The following PTPRS variants were observed in gnomAD, a reference collection of about 807,000 sequenced individuals.
PTPRS encodes protein tyrosine phosphatase receptor type S, also known as receptor-type tyrosine-protein phosphatase S.
Under a neutral mutation model 215.3 loss-of-function variants are expected in PTPRS, and 63 were observed. That is an observed-to-expected ratio of 0.29 (90% CI 0.24 to 0.36). The LOEUF (loss-of-function observed/expected upper bound fraction) is 0.36, where lower values mean the gene tolerates loss of function less well. Ranked by LOEUF, PTPRS falls within the 10% of genes least tolerant of loss-of-function variation. PTPRS has a pLI of 1.00. For synonymous variants in PTPRS, 1,404 were observed against 1,191.4 expected (o/e 1.18, Z -3.68); for missense variants, 2,258 against 2,825.8 (o/e 0.80, Z 4.56).
intron 14 of PTPRS, 140 bp from the exon 15 acceptor site, chr19:5,229,824 C>A: frequency 2.0e-6 from 1 of 503,544 alleles, no homozygotes; most frequent in Non-Finnish European, 3.0e-6. Context: ...CGCTCACCAC[C>A]GGGCGGGAGG....
intron 6 of PTPRS, among the ~76,000 whole-genome samples, chr19:5,261,618 G>A (rs548336721): frequency 6.6e-6 from 1 of 152,238 alleles, no homozygotes; most frequent in African/African-American, 2.4e-5. Flanking sequence ...CCAAGACCTC[G>A]ATCTGCCAGG....
rs1403774622 is a variant in PTPRS at position 5,339,803 on chromosome 19, G to C, written c.-95+861C>G. Among the ~76,000 whole-genome samples, 3 of 151,700 alleles carry C rather than the reference G, an allele frequency of 2.0e-5. No homozygotes were observed. In the East Asian group the frequency reaches 5.9e-4, roughly 30 times the overall value. On this transcript the variant is annotated intron_variant, in intron 1 of 37. Transcript: ENST00000262963. This position sits in a 1 kb window ranked among gnomAD's most constrained non-coding sequence, Gnocchi z 4.2. The stretch of plus-strand genomic sequence containing the variant: ...GGCTCCCGGGGCGTGCGGAACCCGC[G>C]GGGCTGGCGGTTCCAGGGGCGGCTT...
intron 8 of PTPRS, among the ~76,000 whole-genome samples, chr19:5,256,452 G>A (rs2045561420): frequency 6.6e-6 from 1 of 152,006 alleles, no homozygotes; most frequent in Non-Finnish European, 1.5e-5. Context: ...TCCCCAAGAG[G>A]ATGGAGGCTC....
chr19:5,307,873 C>G (rs760879977), intron 1 of PTPRS, among the ~76,000 whole-genome samples: 1 of 152,208 alleles, frequency 6.6e-6, no homozygotes, highest in Non-Finnish European at 1.5e-5. Context: ...TTTATTGGCA[C>G]ATAGCCACGC....
intron 1 of PTPRS, among the ~76,000 whole-genome samples, chr19:5,330,810 C>A (rs2050298688): frequency 1.3e-5 from 2 of 152,116 alleles, no homozygotes; most frequent in Non-Finnish European, 2.9e-5. Flanking sequence ...CAGATGGGGC[C>A]AAGAGAAAAA....
chr19:5,233,303 T>C (rs182759528), intron 13 of PTPRS, among the ~76,000 whole-genome samples: 6 of 151,904 alleles, frequency 3.9e-5, no homozygotes, highest in African/African-American at 1.4e-4. Flanking sequence ...ATCTATTTAT[T>C]GAACACCTAC....
At chr19:5,235,984 T>C (rs969766704) in intron 13 of PTPRS, among the ~76,000 whole-genome samples, 1 of 152,212 alleles carries the variant, frequency 6.6e-6, no homozygotes, top group Non-Finnish European at 1.5e-5. Flanking sequence ...CAGCCCATGT[T>C]TCATGTATTA....
At chr19:5,278,458 G>A (rs559328078) in intron 2 of PTPRS, among the ~76,000 whole-genome samples, 18 of 151,440 alleles carry the variant, frequency 1.2e-4, no homozygotes, top group African/African-American at 3.6e-4. Context: ...CTCTCACCTC[G>A]AGATGCTTTT....
intron 1 of PTPRS, among the ~76,000 whole-genome samples, chr19:5,297,216 C>T (rs547988125): frequency 1.3e-5 from 2 of 152,200 alleles, no homozygotes; most frequent in African/African-American, 4.8e-5. Flanking sequence ...GGCTGGATCA[C>T]GTCAGCTCCC....
At position 5,231,606 on chromosome 19, in the gene PTPRS, G is replaced by T. The variant is rs752226232; in HGVS notation, c.1859C>A (p.Ala620Asp). The change falls in exon 14 of 38, where the codon GCC becomes GAC. Residue 620 changes from alanine (A) to aspartate (D), a missense_variant. Transcript: ENST00000262963. ...GACACATTTAACGTCTTGAGGGGGG[G>T]CTGACGGTTCTATTGGAGGGGGGGA... The part of the protein sequence containing the change: ...RQRTLQSKPS[A>D]PPQDVKCVSV... 7.3e-7 allele frequency: 1 copy of T among 1,364,860 alleles called. No homozygotes were observed. The highest frequency in any genetic ancestry group is 2.4e-5 in the Admixed American group (1 of 41,688). 84.5% of individuals were successfully genotyped at this position (1,364,860 alleles called of 1,614,324 possible).
intron 5 of PTPRS, 132 bp downstream of exon 5, chr19:5,264,876 G>A (rs1016062807): frequency 4.1e-5 from 44 of 1,068,010 alleles, no homozygotes; most frequent in Admixed American, 2.7e-5. Flanking sequence ...CTCCCCCAGA[G>A]CCAACGCCTG....
In PTPRS at chr19:5,295,362, T is replaced by C. The variant is rs1343650781; in HGVS notation, c.-94-9128A>G. ...AGTCCTGCCCTCTCTGGGCCTCTTG[T>C]CCATGTCTCTGTGGAGGCAGACTCT... On this transcript the variant is annotated intron_variant, in intron 1 of 37. Transcript: ENST00000262963. This position sits in a 1 kb window ranked among gnomAD's most constrained non-coding sequence, Gnocchi z 4.6. 2.0e-5 allele frequency among the ~76,000 whole-genome samples: 3 copies of C among 152,162 alleles called. No individual in the cohort carries two copies. The highest frequency in any genetic ancestry group is 4.4e-5 in the Non-Finnish European group (3 of 68,010).
intron 1 of PTPRS, among the ~76,000 whole-genome samples, chr19:5,297,494 G>A (rs1392726456): frequency 6.6e-6 from 1 of 152,128 alleles, no homozygotes; most frequent in Non-Finnish European, 1.5e-5. Flanking sequence ...CTGTTGGGGG[G>A]CACAGACTAG....
rs760346127 is a variant in PTPRS, at chr19:5,231,320, G to A, written c.2145C>T (p.Thr715=). Residue 715 remains threonine (T), a synonymous_variant, in exon 14 of 38, where the codon ACC becomes ACT. Coordinates refer to ENST00000262963, the MANE Select transcript of PTPRS (RefSeq NM_002850.4). ...GPESSPVVVR[T]DEDVPSAPPR... Reference sequence around the variant, plus strand: ...GGGGCAGGTACTTACCATCCTCGTCGGTGCGGACGACCACGGGCGAGCTCT... The same window carrying A: ...GGGGCAGGTACTTACCATCCTCGTCAGTGCGGACGACCACGGGCGAGCTCT... 8.7e-6 allele frequency: 14 copies of A among 1,607,426 alleles called. No individual in the cohort carries two copies. The highest frequency in any genetic ancestry group is 6.7e-5 in the African/African-American group (5 of 74,880).
At chr19:5,260,180 C>G (rs867712980) in intron 7 of PTPRS, among the ~76,000 whole-genome samples, 22 of 135,878 alleles carry the variant, frequency 1.6e-4, no homozygotes, top group South Asian at 4.7e-4. Flanking sequence ...CGTTTTGTTT[C>G]TTTTTTTTTT....
At position 5,272,459 on chromosome 19, in the gene PTPRS, G is replaced by A. The variant is rs10425305; in HGVS notation, c.379+983C>T. Among the ~76,000 whole-genome samples the A allele has an allele frequency of 3.3e-3, 503 of 151,734 alleles. 5 individuals are homozygous for A. The highest frequency in any genetic ancestry group is 0.012 in the African/African-American group (483 of 41,372). ...CTAAAAATACAAAAATTAGCTGGGCGTGGTGGCATGTGCCTGTAATCCCAG... is the reference window on the plus strand; with the variant it reads ...CTAAAAATACAAAAATTAGCTGGGCATGGTGGCATGTGCCTGTAATCCCAG... On this transcript the variant is annotated intron_variant, in intron 4 of 37. Coordinates refer to ENST00000262963, the MANE Select transcript of PTPRS (RefSeq NM_002850.4).
Position 5,280,795 on chromosome 19 carries a change from T to TTG in PTPRS, c.91+5254_91+5255insCA, listed in dbSNP as rs1555796213. Among the ~76,000 whole-genome samples the TTG allele has an allele frequency of 2.6e-5, 4 of 151,396 alleles. No homozygotes were observed. In the East Asian group the frequency reaches 7.8e-4, roughly 29 times the overall value. On this transcript the variant is annotated intron_variant, in intron 2 of 37. Transcript: ENST00000262963. ...TGCACAGCCTCCCTTAACTTTTTTT[T>TTG]TTTGTTTGTTTTTTGAGATGGAGTC...
At chr19:5,275,385 TTTC>T (rs978690245) in intron 2 of PTPRS, among the ~76,000 whole-genome samples, 6 of 150,986 alleles carry the variant, frequency 4.0e-5, no homozygotes, top group South Asian at 2.1e-4. Flanking sequence ...TTCTTTTTCT[TTTC>T]TTTTTTTTTT....
intron 6 of PTPRS, among the ~76,000 whole-genome samples, chr19:5,262,694 CCTT>C (rs2046095292): frequency 6.6e-6 from 1 of 152,226 alleles, no homozygotes; most frequent in South Asian, 2.1e-4. Flanking sequence ...GTCTGCCTGG[CCTT>C]GTCTCTTTTC....
Sources: gnomAD v4.1 joint callset for allele counts (sites outside exome capture counted in the v4.1 genomes callset) on GRCh38, gnomAD v4.1.1 for gene constraint, Gnocchi (gnomAD v3.1) non-coding constraint, MANE v1.5 for transcripts, NCBI Gene and HGNC (gene_info 2026-07-23, HGNC 2026-07-21) for gene names.